Variants in PARD3B observed in about 807,000 individuals in gnomAD.
The protein encoded by PARD3B is partitioning defective 3 homolog B.
In PARD3B, 103 loss-of-function variants were observed where a neutral mutation model predicts 130.2. The ratio of observed to expected loss-of-function variants is 0.79; its 90% confidence interval spans 0.67 to 0.93. The LOEUF (loss-of-function observed/expected upper bound fraction) is 0.93, where lower values mean the gene tolerates loss of function less well. PARD3B is among the 40% of genes least tolerant of loss of function. The probability of loss-of-function intolerance (pLI) is 0.00; values close to 1 mark genes in which losing one functional copy is unlikely to be tolerated. For missense variants in PARD3B, 1,609 were observed against 1,499.2 expected (o/e 1.07, Z -1.21); for synonymous variants, 583 against 553.2 (o/e 1.05, Z -0.76).
At position 204,861,162 on chromosome 2, in the gene PARD3B, T is replaced by TTCTCTCTCTCTC. The variant is rs60740602; in HGVS notation, c.223-103949_223-103938dup. Among the ~76,000 whole-genome samples, 26 of 91,364 alleles carry TTCTCTCTCTCTC rather than the reference T, an allele frequency of 2.8e-4. 1 individual carries two copies. Among genetic ancestry groups the TTCTCTCTCTCTC allele is most frequent in the Non-Finnish European group, 3.6e-4 (15 of 41,150 alleles). 59.9% of individuals were successfully genotyped at this position (91,364 alleles called of 152,430 possible). On this transcript the variant is annotated intron_variant, in intron 2 of 22. Coordinates refer to ENST00000406610, the MANE Select transcript of PARD3B (RefSeq NM_001302769.2). ...TTTCACCTATTGCTACCTAATACCT[T>TTCTCTCTCTCTC]TCTCTCTCTCTCTCTCTCTCTCTCT... is the stretch of plus-strand genomic sequence containing the variant.
intron 15 of PARD3B, among the ~76,000 whole-genome samples, chr2:205,237,884 C>T (rs1343646982): frequency 2.6e-5 from 4 of 152,156 alleles, no homozygotes; most frequent in Non-Finnish European, 5.9e-5. Context: ...AGACCTGTCC[C>T]AGAATTGGAC....
At position 204,852,072 on chromosome 2, in the gene PARD3B, T is replaced by C. The variant is rs190762449; in HGVS notation, c.223-113080T>C. ...TCACTACAACTCCCACAGAGTGATA[T>C]AAGGAAGGTGTTAGAAAGTAATGAC... is the stretch of plus-strand genomic sequence containing the variant. On this transcript the variant is annotated intron_variant, in intron 2 of 22. Transcript: ENST00000406610. Among the ~76,000 whole-genome samples, 634 of 152,268 alleles carry C rather than the reference T, an allele frequency of 4.2e-3. 1 individual carries two copies. Among genetic ancestry groups the C allele is most frequent in the Non-Finnish European group, 7.1e-3 (481 of 68,026 alleles).
intron 21 of PARD3B, among the ~76,000 whole-genome samples, chr2:205,540,289 ACTTCCT>A (rs1219988044): frequency 6.6e-6 from 1 of 151,406 alleles, no homozygotes; most frequent in Non-Finnish European, 1.5e-5. Context: ...CTGGTCTATC[ACTTCCT>A]CTTCCTGGAA....
chr2:205,132,513 A>G (rs1455951798), intron 10 of PARD3B, among the ~76,000 whole-genome samples: 1 of 152,070 alleles, frequency 6.6e-6, no homozygotes, highest in Non-Finnish European at 1.5e-5. Context: ...TAAGATATCT[A>G]CTTATAGGTC....
intron 15 of PARD3B, among the ~76,000 whole-genome samples, chr2:205,224,029 A>C (rs1296776584): frequency 1.4e-5 from 2 of 148,114 alleles, no homozygotes; most frequent in Non-Finnish European, 3.0e-5. Context: ...ACACCACTGC[A>C]CTCCAGCCTG....
intron 16 of PARD3B, among the ~76,000 whole-genome samples, chr2:205,255,561 G>A (rs894458110): frequency 6.6e-6 from 1 of 152,040 alleles, no homozygotes; most frequent in Non-Finnish European, 1.5e-5. Context: ...CCAGTCCCAC[G>A]TCCTAAGTTG....
intron 1 of PARD3B, among the ~76,000 whole-genome samples, chr2:204,630,587 C>A (rs998813255): frequency 1.3e-5 from 2 of 151,914 alleles, no homozygotes; most frequent in Non-Finnish European, 2.9e-5. Context: ...ATATCTTTAG[C>A]GTATAGTTGC....
chr2:204,742,978 G>A (rs139873330), intron 2 of PARD3B, among the ~76,000 whole-genome samples: 1 of 152,100 alleles, frequency 6.6e-6, no homozygotes, highest in African/African-American at 2.4e-5. Context: ...TCTTTTGGAA[G>A]TCCACACTCT....
chr2:205,231,046 A>G (rs2038809181), intron 15 of PARD3B, among the ~76,000 whole-genome samples: 1 of 152,024 alleles, frequency 6.6e-6, no homozygotes, highest in East Asian at 1.9e-4. Flanking sequence ...GCAAATCAAG[A>G]CTGTCTTTCC....
intron 2 of PARD3B, among the ~76,000 whole-genome samples, chr2:204,739,683 C>T (rs1409702455): frequency 3.3e-4 from 50 of 152,154 alleles, no homozygotes; most frequent in Non-Finnish European, 8.8e-5. Context: ...AGGCTGGTCT[C>T]AAATCCCTGG....
chr2:205,311,458 G>A lies in PARD3B; in HGVS notation c.2630+9757G>A, dbSNP rs961573597. On this transcript the variant is annotated intron_variant, in intron 18 of 22. Transcript: ENST00000406610. ...TTTTTCATGTATTTCTTGGCTATTG[G>A]TATGTCTTCTTTTAAGGAATGATAG... Among the ~76,000 whole-genome samples, 10 of 152,008 alleles carry A rather than the reference G, an allele frequency of 6.6e-5. 1 individual carries two copies. The highest frequency in any genetic ancestry group is 1.2e-4 in the Non-Finnish European group (8 of 68,012).
At chr2:204,869,986 G>A (rs1277841717) in intron 2 of PARD3B, among the ~76,000 whole-genome samples, 1 of 152,116 alleles carries the variant, frequency 6.6e-6, no homozygotes, top group Admixed American at 6.6e-5. Context: ...TTTCTGATAG[G>A]GCTGTACCTA....
chr2:204,758,921 A>G (rs1326728213), intron 2 of PARD3B, among the ~76,000 whole-genome samples: 1 of 152,172 alleles, frequency 6.6e-6, no homozygotes, highest in African/African-American at 2.4e-5. Flanking sequence ...GATATATCTG[A>G]TTTGAGTTCC....
At chr2:205,332,384 A>T (rs1225996641) in intron 18 of PARD3B, among the ~76,000 whole-genome samples, 2 of 152,084 alleles carry the variant, frequency 1.3e-5, no homozygotes, top group Non-Finnish European at 2.9e-5. Flanking sequence ...CTAGTTGAAG[A>T]TCTCCCCAAG....
At position 204,710,118 on chromosome 2, in the gene PARD3B, A is replaced by G. The variant is rs1222872531; in HGVS notation, c.222+23836A>G. ...AATAAGATTTCAGAAAAATTCTGTG[A>G]GAAAAGTGATCAGGTCTTCTTCCTT... On this transcript the variant is annotated intron_variant, in intron 2 of 22. Coordinates refer to ENST00000406610, the MANE Select transcript of PARD3B (RefSeq NM_001302769.2). Among the ~76,000 whole-genome samples, 3 of 152,228 alleles carry G rather than the reference A, an allele frequency of 2.0e-5. No individual in the cohort carries two copies. In the East Asian group the frequency reaches 5.8e-4, roughly 29 times the overall value.
intron 2 of PARD3B, among the ~76,000 whole-genome samples, chr2:204,814,798 A>G (rs1464833196): frequency 6.6e-6 from 1 of 151,778 alleles, no homozygotes; most frequent in African/African-American, 2.4e-5. Flanking sequence ...AATATTGGAG[A>G]TATCAAAAGC....
At chr2:204,959,564 A>C (rs1265213961) in intron 2 of PARD3B, among the ~76,000 whole-genome samples, 1 of 152,220 alleles carries the variant, frequency 6.6e-6, no homozygotes, top group East Asian at 1.9e-4. Flanking sequence ...ACTGTCTTCC[A>C]CAATGGTAGA....
chr2:205,578,216 T>C lies in PARD3B; in HGVS notation c.3260+24813T>C, dbSNP rs144000593. Among the ~76,000 whole-genome samples, 36 of 152,298 alleles carry C rather than the reference T, an allele frequency of 2.4e-4. No homozygotes were observed. The East Asian group carries it at 6.8e-3, about 29-fold the overall frequency. Reference sequence around the variant, plus strand: ...CTCCTCTCACTATCCTCTCTTTACATTGACAGTGTTACGAGTGCATTAGAT... The same window carrying C: ...CTCCTCTCACTATCCTCTCTTTACACTGACAGTGTTACGAGTGCATTAGAT... On this transcript the variant is annotated intron_variant, in intron 22 of 22. Coordinates refer to ENST00000406610, the MANE Select transcript of PARD3B (RefSeq NM_001302769.2).
Position 204,978,965 on chromosome 2 carries a change from C to CA in PARD3B, c.394+13663dup, listed in dbSNP as rs34432147. Among the ~76,000 whole-genome samples the CA allele has an allele frequency of 9.6e-3, 721 of 74,764 alleles. 10 individuals carry two copies. The highest frequency in any genetic ancestry group is 0.049 in the East Asian group (113 of 2,294). 49.0% of individuals were successfully genotyped at this position (74,764 alleles called of 152,430 possible). On this transcript the variant is annotated intron_variant, in intron 3 of 22. Coordinates refer to ENST00000406610, the MANE Select transcript of PARD3B (RefSeq NM_001302769.2). ...GAGAGACAAAATGAGACCCTGGCCT[C>CA]AAAAAAAAAAAAAAAAAAAAAGACA...
Sources: allele counts gnomAD v4.1 joint callset (sites outside exome capture counted in the v4.1 genomes callset), GRCh38; gene constraint gnomAD v4.1.1; transcripts MANE v1.5; gene names NCBI Gene and HGNC (gene_info 2026-07-23, HGNC 2026-07-21).